The following KIAA0930 variants were observed in gnomAD, a reference collection of about 807,000 sequenced individuals.
KIAA0930 encodes uncharacterized protein KIAA0930.
Under a neutral mutation model 43.9 loss-of-function variants are expected in KIAA0930, and 24 were observed. That is an observed-to-expected ratio of 0.55 (90% confidence interval 0.40 to 0.77). KIAA0930 has a LOEUF of 0.77. KIAA0930 is among the 30% of genes least tolerant of loss of function. KIAA0930 has a pLI of 0.00. For missense variants in KIAA0930, 461 were observed against 574.2 expected, an observed-to-expected ratio of 0.80 and a Z score of 2.02; for synonymous variants, 259 against 216.4, an observed-to-expected ratio of 1.20 and a Z score of -1.73.
intron 1 of KIAA0930, among the ~76,000 whole-genome samples, chr22:45,232,529 G>C (rs569612256): frequency 8.5e-5 from 13 of 152,072 alleles, no homozygotes; most frequent in African/African-American, 2.9e-4. Context: ...GACAGTCGGG[G>C]TCCACTCTGA....
chr22:45,211,856 A>G, intron 2 of KIAA0930, 100 bp downstream of exon 2: 1 of 1,150,668 alleles, frequency 8.7e-7, no homozygotes, highest in Admixed American at 2.1e-5. Flanking sequence ...CCTCTTTGAT[A>G]TGCATGAGCA....
At chr22:45,200,460 C>T (rs1007837500) in intron 7 of KIAA0930, among the ~76,000 whole-genome samples, 3 of 152,164 alleles carry the variant, frequency 2.0e-5, no homozygotes, top group African/African-American at 4.8e-5. Context: ...CATGGGGAAA[C>T]TAAGGCAGGG....
In KIAA0930 at chr22:45,220,295, A is replaced by C. The variant is rs139192689; in HGVS notation, c.65-8188T>G. Among the ~76,000 whole-genome samples the C allele has an allele frequency of 3.4e-3, 524 of 152,170 alleles. 3 individuals carry two copies. Among genetic ancestry groups the C allele is most frequent in the African/African-American group, 0.012 (513 of 41,510 alleles). The stretch of plus-strand genomic sequence containing the variant: ...TGGTAAAACCCCGTCTCTACTAAAA[A>C]TACAAAAAAATTAGCCGGGTGCGGT... On this transcript the variant is annotated intron_variant, in intron 1 of 9. Transcript: ENST00000336156.
rs141932630 is a variant in KIAA0930 at position 45,205,307 on chromosome 22, C to T, written c.426G>A (p.Ala142=). ...TGTCCATGGGGTGTTTACTGGGGGA[C>T]GCGAACACTTGCTGGAAGAAAGCAG... The part of the protein sequence containing the change: ...IHKKKSQQVF[A]SPSKHPMDSK... Residue 142 remains alanine (A), a synonymous_variant, in exon 5 of 10, where the codon GCG becomes GCA. Transcript: ENST00000336156. The T allele has an allele frequency of 3.5e-5, 57 of 1,613,574 alleles. No homozygotes were observed. Among genetic ancestry groups the T allele is most frequent in the African/African-American group, 1.6e-4 (12 of 74,880 alleles).
At position 45,203,127 on chromosome 22, in the gene KIAA0930, T is replaced by C. The variant is rs962209201; in HGVS notation, c.715A>G (p.Asn239Asp). The change falls in exon 7 of 10, where the codon AAC becomes GAC. Residue 239 changes from asparagine (N) to aspartate (D), a missense_variant. By Grantham distance (23) the Asn-to-Asp change is conservative. Coordinates refer to ENST00000336156, the MANE Select transcript of KIAA0930 (RefSeq NM_001009880.2). ...CCCTTCATGCGCACAAACTCCATGT[T>C]GCTGTACTTGTAGAAGCCAAACGAC... is the stretch of plus-strand genomic sequence containing the variant. ...KMSFGFYKYS[N>D]MEFVRMKGPQ... is the part of the protein sequence containing the mutation. 1 of 1,613,510 alleles carries C rather than the reference T, an allele frequency of 6.2e-7. No homozygotes were observed. Among genetic ancestry groups the C allele is most frequent in the Non-Finnish European group, 8.5e-7 (1 of 1,179,716 alleles).
intron 1 of KIAA0930, among the ~76,000 whole-genome samples, chr22:45,230,114 A>C (rs2083843105): frequency 6.6e-6 from 1 of 152,178 alleles, no homozygotes; most frequent in Non-Finnish European, 1.5e-5. Flanking sequence ...ATATGGGACA[A>C]TGCAGGTGGG....
rs2083503540 is a variant in KIAA0930, at chr22:45,193,055, C to A, written c.*4121G>T. 6.6e-6 allele frequency: 1 copy of A among 152,208 alleles called. No homozygotes were observed. Among genetic ancestry groups the A allele is most frequent in the South Asian group, 2.1e-4 (1 of 4,830 alleles). 9.4% of individuals were successfully genotyped at this position (152,208 alleles called of 1,614,324 possible). A position where few individuals can be genotyped will look rare whatever the true frequency, so the allele number is the denominator to read the frequency against. On this transcript the variant is annotated 3_prime_UTR_variant, in exon 10 of 10. Coordinates refer to ENST00000336156, the MANE Select transcript of KIAA0930 (RefSeq NM_001009880.2). ...GGCTGCCCCCTCCAGAGGCTGCTTC[C>A]ATTCAAGCTCAAGGGCACGTGCCTT...
chr22:45,209,891 C>T (rs2083677562), intron 2 of KIAA0930, among the ~76,000 whole-genome samples: 1 of 152,158 alleles, frequency 6.6e-6, no homozygotes, highest in Non-Finnish European at 1.5e-5. Context: ...TGGATGTGAC[C>T]CCATCCCCTC....
At chr22:45,225,778 C>T (rs938766362) in intron 1 of KIAA0930, among the ~76,000 whole-genome samples, 3 of 152,242 alleles carry the variant, frequency 2.0e-5, no homozygotes, top group Admixed American at 2.0e-4. Context: ...ATCCCGAGTG[C>T]TGCCCGTGCC....
At chr22:45,236,652 G>A (rs920831082) in intron 1 of KIAA0930, among the ~76,000 whole-genome samples, 1 of 152,094 alleles carries the variant, frequency 6.6e-6, no homozygotes, top group Non-Finnish European at 1.5e-5. Context: ...CTCTGCGCAG[G>A]GTTAAGCAAT....
intron 1 of KIAA0930, chr22:45,213,540 C>T (rs1234468284): frequency 8.6e-6 from 10 of 1,162,138 alleles, no homozygotes; most frequent in African/African-American, 8.1e-5. Context: ...ATTCCTGCCG[C>T]GTTTTTGCAA....
rs928827921 is a variant in KIAA0930, at chr22:45,211,892, G to A, written c.216+64C>T. 2.9e-5 allele frequency: 45 copies of A among 1,531,204 alleles called. No individual in the cohort carries two copies. The South Asian group carries it at 3.6e-4, about 12-fold the overall frequency. 94.9% of individuals were successfully genotyped at this position (1,531,204 alleles called of 1,614,324 possible). ...CTGTAGGAAAGCCCACATGTACACC[G>A]AGAGCAGACACCACAGGGATGCTTG... is the stretch of plus-strand genomic sequence containing the variant. On this transcript the variant is annotated intron_variant, in intron 2 of 9. Coordinates refer to ENST00000336156, the MANE Select transcript of KIAA0930 (RefSeq NM_001009880.2).
At chr22:45,217,180 G>C (rs1406954121) in intron 1 of KIAA0930, among the ~76,000 whole-genome samples, 1 of 151,838 alleles carries the variant, frequency 6.6e-6, no homozygotes, top group East Asian at 1.9e-4. Flanking sequence ...AGCCAACATC[G>C]CAAAACCCCA....
At chr22:45,201,416 G>A (rs2083587767) in intron 7 of KIAA0930, among the ~76,000 whole-genome samples, 1 of 152,194 alleles carries the variant, frequency 6.6e-6, no homozygotes, top group Middle Eastern at 3.2e-3. Context: ...CCGCTGGACA[G>A]ATGGGAAAAC....
intron 1 of KIAA0930, among the ~76,000 whole-genome samples, chr22:45,227,550 T>C (rs938081164): frequency 2.0e-5 from 3 of 152,286 alleles, no homozygotes; most frequent in Non-Finnish European, 2.9e-5. Context: ...TATGGGACCC[T>C]GCACAAGTGC....
intron 2 of KIAA0930, among the ~76,000 whole-genome samples, chr22:45,209,783 A>G (rs1713051810): frequency 6.6e-6 from 1 of 152,170 alleles, no homozygotes; most frequent in African/African-American, 2.4e-5. Context: ...GGTGTTCAAT[A>G]GAACATTCTA....
rs1569072787 is a variant in KIAA0930, at chr22:45,203,036, CA to C, written c.805del (p.Cys269ValfsTer17). The C allele has an allele frequency of 1.9e-6, 3 of 1,613,482 alleles. No individual in the cohort carries two copies. Among genetic ancestry groups the C allele is most frequent in the Non-Finnish European group, 2.5e-6 (3 of 1,179,764 alleles). On this transcript the variant is annotated frameshift_variant, in exon 7 of 10. Transcript: ENST00000336156. LOFTEE classifies it high-confidence loss of function. ...TGGGCTGGAGTCCTCTTCAGTCCCACAGGGGGATGTGTCACCTGTAGACACT... is the reference window on the plus strand; with the variant it reads ...TGGGCTGGAGTCCTCTTCAGTCCCACGGGGGATGTGTCACCTGTAGACACT... ...SRVSTGDTSP[C>X]GTEEDSSPAS...
rs1268191115 is a variant in KIAA0930, at chr22:45,203,215, G to A, written c.658-31C>T. On this transcript the variant is annotated intron_variant, in intron 6 of 9. Transcript: ENST00000336156. ...GGCCGGCGCGGGGCAGCCTGAGTCAGGGAGGTGGCGATGGCTCCATGGGGC... is the reference window on the plus strand; with the variant it reads ...GGCCGGCGCGGGGCAGCCTGAGTCAAGGAGGTGGCGATGGCTCCATGGGGC... The A allele has an allele frequency of 1.9e-6, 3 of 1,557,268 alleles. 1 individual carries two copies. In the Middle Eastern group the frequency reaches 5.2e-4, roughly 271 times the overall value.
intron 8 of KIAA0930, among the ~76,000 whole-genome samples, chr22:45,198,599 C>G (rs2083558056): frequency 6.6e-6 from 1 of 152,218 alleles, no homozygotes; most frequent in Non-Finnish European, 1.5e-5. Flanking sequence ...TGCAGCCCTG[C>G]TCCCTGCTGG....
Sources: gnomAD v4.1 joint callset for allele counts (sites outside exome capture counted in the v4.1 genomes callset) on GRCh38, gnomAD v4.1.1 for gene constraint, MANE v1.5 for transcripts, NCBI Gene and HGNC (gene_info 2026-07-23, HGNC 2026-07-21) for gene names.